Variants in PPARGC1B observed in about 807,000 individuals in gnomAD.
The protein encoded by PPARGC1B is peroxisome proliferator-activated receptor gamma coactivator 1-beta.
Under a neutral mutation model 101.6 loss-of-function variants are expected in PPARGC1B, and 34 were observed. The observed-to-expected ratio is 0.33, with a 90% CI of 0.25 to 0.45. The LOEUF is 0.45. Among genes scored for constraint, PPARGC1B ranks in the 20% least tolerant of loss-of-function variants. The pLI is 1.00. For synonymous variants in PPARGC1B, 548 were observed against 539.3 expected, an observed-to-expected ratio of 1.02 and a Z score of -0.22; for missense variants, 1,234 against 1,317.6, an observed-to-expected ratio of 0.94 and a Z score of 0.98.
Position 149,821,755 on chromosome 5 carries a change from G to A in PPARGC1B, c.252+1149G>A, listed in dbSNP as rs150071219. Among the ~76,000 whole-genome samples the A allele has an allele frequency of 2.3e-3, 353 of 152,278 alleles. 1 individual carries two copies. The highest frequency in any genetic ancestry group is 8.1e-3 in the African/African-American group (336 of 41,536). ...ACTGTGTTCATCCGAGGACTTTACC[G>A]TCTGTAAACATGTGAACAAACAGCA... is the stretch of plus-strand genomic sequence containing the variant. On this transcript the variant is annotated intron_variant, in intron 2 of 11. Coordinates refer to ENST00000309241, the MANE Select transcript of PPARGC1B (RefSeq NM_133263.4).
At chr5:149,842,176 C>T in intron 9 of PPARGC1B, 80 bp from the exon 10 acceptor site, 1 of 1,566,214 alleles carries the variant, frequency 6.4e-7, no homozygotes, top group Non-Finnish European at 8.7e-7. Flanking sequence ...AGGACAAGGA[C>T]TCCACGGGAG....
Position 149,833,705 on chromosome 5 carries a change from C to A in PPARGC1B, c.1632C>A (p.Ala544=). ...TCCTACGGGGACCCCAGATCCCTGCCCTGGAGAGCCCCTGTGAGAGTGGGT... is the reference window on the plus strand; with the variant it reads ...TCCTACGGGGACCCCAGATCCCTGCACTGGAGAGCCCCTGTGAGAGTGGGT... ...QQLLRGPQIP[A]LESPCESGCG... The change falls in exon 5 of 12, where the codon GCC becomes GCA. Residue 544 remains alanine, a synonymous_variant. Coordinates refer to ENST00000309241, the MANE Select transcript of PPARGC1B (RefSeq NM_133263.4). This position sits in a 1 kb window ranked among gnomAD's most constrained non-coding sequence, Gnocchi z 4.1. 1 of 1,605,344 alleles carries A rather than the reference C, an allele frequency of 6.2e-7. No homozygotes were observed.
chr5:149,731,213 C>G (rs1364392422), intron 1 of PPARGC1B, among the ~76,000 whole-genome samples: 1 of 152,154 alleles, frequency 6.6e-6, no homozygotes, highest in Non-Finnish European at 1.5e-5. Context: ...ACGCGCGTGA[C>G]AGGAGAGGGT....
Position 149,845,885 on chromosome 5 carries a change from A to G in PPARGC1B, c.2942A>G (p.His981Arg). The change falls in exon 11 of 12, where the codon CAC becomes CGC. Residue 981 changes from histidine (H) to arginine (R), a missense_variant. Coordinates refer to ENST00000309241, the MANE Select transcript of PPARGC1B (RefSeq NM_133263.4). ...SFQLSYGGLRHFCWPRYTDYD... is the reference protein window; with the variant it reads ...SFQLSYGGLRRFCWPRYTDYD... ...CAGCTGAGCTACGGAGGGCTCCGGC[A>G]CTTCTGCTGGCCCAGATACACTGAC... is the stretch of plus-strand genomic sequence containing the variant. 6.2e-7 allele frequency: 1 copy of G among 1,614,230 alleles called. No individual in the cohort carries two copies. Among genetic ancestry groups the G allele is most frequent in the South Asian group, 1.1e-5 (1 of 91,090 alleles).
At chr5:149,831,437 C>T (rs1758779638) in intron 4 of PPARGC1B, among the ~76,000 whole-genome samples, 1 of 152,182 alleles carries the variant, frequency 6.6e-6, no homozygotes, top group African/African-American at 2.4e-5. Context: ...GACGCTTCTC[C>T]TGGGAACTGT....
At chr5:149,735,930 C>T (rs1319273069) in intron 1 of PPARGC1B, among the ~76,000 whole-genome samples, 1 of 152,204 alleles carries the variant, frequency 6.6e-6, no homozygotes, top group Admixed American at 6.5e-5. Context: ...TCGAGATCAG[C>T]CTGACCAACG....
At chr5:149,805,432 C>CTATT (rs577586889) in intron 1 of PPARGC1B, among the ~76,000 whole-genome samples, 15 of 152,080 alleles carry the variant, frequency 9.9e-5, no homozygotes, top group South Asian at 4.2e-4. Flanking sequence ...AGAAATATGG[C>CTATT]TATTTATTTA....
chr5:149,823,855 C>T (rs1207241440), intron 2 of PPARGC1B, among the ~76,000 whole-genome samples: 1 of 152,142 alleles, frequency 6.6e-6, no homozygotes, highest in Non-Finnish European at 1.5e-5. Context: ...CCATTTTGGA[C>T]TCATTTCAGC....
chr5:149,846,959 C>G (rs1001807369), intron 11 of PPARGC1B: 1 of 207,694 alleles, frequency 4.8e-6, no homozygotes, highest in Non-Finnish European at 9.9e-6. Context: ...GTGGCGCACA[C>G]CTGTAGTCCC....
chr5:149,767,984 G>A (rs1200985227), intron 1 of PPARGC1B, among the ~76,000 whole-genome samples: 1 of 151,910 alleles, frequency 6.6e-6, no homozygotes, highest in Non-Finnish European at 1.5e-5. Flanking sequence ...GGAGCCCTGA[G>A]CTTGTTTTCC....
chr5:149,845,642 G>A (rs1759519125), intron 10 of PPARGC1B, 118 bp from the exon 11 acceptor site: 1 of 1,040,772 alleles, frequency 9.6e-7, no homozygotes, highest in Non-Finnish European at 1.4e-6. Context: ...TATCTAGGGG[G>A]CCACGTGATG....
chr5:149,839,966 C>T lies in PPARGC1B; in HGVS notation c.2619-75C>T, dbSNP rs551312586. On this transcript the variant is annotated intron_variant, in intron 8 of 11. Transcript: ENST00000309241. ...AATCCTAAGGAAGCATCCCTTGCGT[C>T]CTGGAGCAGATCCGCCCCCACCCCC... 61 of 1,444,946 alleles carry T rather than the reference C, an allele frequency of 4.2e-5. No homozygotes were observed. The Middle Eastern group carries it at 2.8e-3, about 66-fold the overall frequency. 89.5% of individuals were successfully genotyped at this position (1,444,946 alleles called of 1,614,324 possible). A position where few individuals can be genotyped will look rare whatever the true frequency, so the allele number is the denominator to read the frequency against.
At chr5:149,784,185 C>G (rs1430672350) in intron 1 of PPARGC1B, among the ~76,000 whole-genome samples, 1 of 152,092 alleles carries the variant, frequency 6.6e-6, no homozygotes, top group Non-Finnish European at 1.5e-5. Context: ...CCTAATTTAT[C>G]CTTCTTCCTT....
intron 1 of PPARGC1B, among the ~76,000 whole-genome samples, chr5:149,768,409 G>A (rs139162373): frequency 0.012 from 1,877 of 151,306 alleles, 28 homozygotes; most frequent in African/African-American, 0.043. Context: ...TGAGTAGCTG[G>A]GACTATAGGC....
intron 1 of PPARGC1B, among the ~76,000 whole-genome samples, chr5:149,750,457 T>A (rs1177399692): frequency 2.2e-4 from 1 of 4,582 alleles, no homozygotes; most frequent in African/African-American, 9.9e-4. Context: ...AGTTAAAATA[T>A]ATATATATAT....
At chr5:149,796,213 G>A (rs1017425853) in intron 1 of PPARGC1B, among the ~76,000 whole-genome samples, 2 of 152,124 alleles carry the variant, frequency 1.3e-5, no homozygotes, top group East Asian at 1.9e-4. Context: ...GTGAGCAGTC[G>A]GTGGAGTAGG....
chr5:149,841,932 G>C (rs113257762), intron 9 of PPARGC1B, among the ~76,000 whole-genome samples: 142 of 152,274 alleles, frequency 9.3e-4, no homozygotes, highest in African/African-American at 3.3e-3. Context: ...GCTCAGACTT[G>C]AAAGGTTAAG....
At chr5:149,758,688 C>A (rs1379135545) in intron 1 of PPARGC1B, among the ~76,000 whole-genome samples, 3 of 152,216 alleles carry the variant, frequency 2.0e-5, no homozygotes, top group Non-Finnish European at 2.9e-5. Flanking sequence ...GGGCTGAGGC[C>A]AGCCCTGCCT....
intron 1 of PPARGC1B, among the ~76,000 whole-genome samples, chr5:149,815,284 G>C (rs1581087230): frequency 1.3e-5 from 2 of 152,154 alleles, no homozygotes; most frequent in East Asian, 3.8e-4. Flanking sequence ...GTTAAAATGA[G>C]GTCATTAGGG....
Sources: gnomAD v4.1 joint callset for allele counts (sites outside exome capture counted in the v4.1 genomes callset) on GRCh38, gnomAD v4.1.1 for gene constraint, Gnocchi (gnomAD v3.1) non-coding constraint, MANE v1.5 for transcripts, NCBI Gene and HGNC (gene_info 2026-07-23, HGNC 2026-07-21) for gene names.